Variants in GPR149 observed in about 807,000 individuals in gnomAD.
GPR149 encodes the protein probable G protein-coupled receptor 149.
A neutral mutation model predicts 50.2 loss-of-function variants in GPR149; 50 were observed. The observed-to-expected ratio is 1.00, with a 90% CI of 0.79 to 1.26. GPR149 has a LOEUF of 1.26. Among genes scored for constraint, GPR149 ranks in the 50% most tolerant of loss-of-function variants. The pLI, the probability that GPR149 is intolerant of heterozygous loss-of-function variation, is 0.00. For missense variants in GPR149, 983 were observed against 895.4 expected (o/e 1.10, Z -1.25); for synonymous variants, 405 against 358.2 (o/e 1.13, Z -1.48).
chr3:154,428,301 C>T (rs1712367454), intron 1 of GPR149, among the ~76,000 whole-genome samples: 1 of 152,208 alleles, frequency 6.6e-6, no homozygotes, highest in Non-Finnish European at 1.5e-5. Flanking sequence ...TTAATTCCCT[C>T]TTTCCTTTTC....
chr3:154,359,959 C>A (rs1379853987), intron 3 of GPR149, among the ~76,000 whole-genome samples: 1 of 152,130 alleles, frequency 6.6e-6, no homozygotes, highest in Non-Finnish European at 1.5e-5. Flanking sequence ...TGAAGAAAGA[C>A]AACAGTCACA....
chr3:154,358,503 A>T (rs1037423828), intron 3 of GPR149, among the ~76,000 whole-genome samples: 2 of 152,156 alleles, frequency 1.3e-5, no homozygotes, highest in Admixed American at 6.5e-5. Flanking sequence ...GAAATTACAG[A>T]TCCAAGATAC....
intron 3 of GPR149, among the ~76,000 whole-genome samples, chr3:154,377,438 C>G (rs1714819759): frequency 6.6e-6 from 1 of 151,032 alleles, no homozygotes; most frequent in South Asian, 2.1e-4. Context: ...GTGATCTTGG[C>G]TCACTGCAAC....
At chr3:154,361,625 C>A (rs113518360) in intron 3 of GPR149, among the ~76,000 whole-genome samples, 1 of 151,996 alleles carries the variant, frequency 6.6e-6, no homozygotes, top group Non-Finnish European at 1.5e-5. Context: ...AATTTTGGAC[C>A]AGTACGGGGT....
intron 3 of GPR149, among the ~76,000 whole-genome samples, chr3:154,376,688 T>C (rs1714798629): frequency 6.6e-6 from 1 of 152,204 alleles, no homozygotes; most frequent in Non-Finnish European, 1.5e-5. Flanking sequence ...CATTTCTGTT[T>C]TGGAGAGCTT....
chr3:154,428,251 G>A (rs1576934416), intron 1 of GPR149, among the ~76,000 whole-genome samples: 2 of 152,192 alleles, frequency 1.3e-5, no homozygotes, highest in African/African-American at 2.4e-5. Context: ...GAATGGAACG[G>A]CGAGAAAGGG....
chr3:154,389,503 C>T (rs1013095546), intron 3 of GPR149, among the ~76,000 whole-genome samples: 3 of 152,116 alleles, frequency 2.0e-5, no homozygotes, highest in Non-Finnish European at 2.9e-5. Flanking sequence ...TGGCTTCTGT[C>T]TCACTTGCCT....
intron 3 of GPR149, among the ~76,000 whole-genome samples, chr3:154,401,465 C>A (rs1043248034): frequency 5.3e-5 from 8 of 152,014 alleles, no homozygotes; most frequent in Admixed American, 2.0e-4. Context: ...ACAGAGAGTA[C>A]AGGAAGCAAG....
chr3:154,337,876 G>GGAGT lies in GPR149; in HGVS notation c.2015_2018dup (p.Phe675ProfsTer7). 2 of 1,613,636 alleles carry GGAGT rather than the reference G, an allele frequency of 1.2e-6. No homozygotes were observed. The highest frequency in any genetic ancestry group is 1.7e-6 in the Non-Finnish European group (2 of 1,179,820). On this transcript the variant is annotated frameshift_variant, in exon 4 of 4. Transcript: ENST00000389740. LOFTEE classifies it high-confidence loss of function. ...CAGGATTACTGGTGGGCAAAAAGAG[G>GGAGT]GAGTATGAGGCTGTTTCCCCTAGGT...
chr3:154,341,889 T>C (rs1343444178), intron 3 of GPR149, among the ~76,000 whole-genome samples: 2 of 152,156 alleles, frequency 1.3e-5, no homozygotes, highest in Admixed American at 6.5e-5. Context: ...GCCAAGAAAG[T>C]AGATATAGTA....
chr3:154,402,933 T>G (rs1271828686), intron 3 of GPR149, among the ~76,000 whole-genome samples: 1 of 143,238 alleles, frequency 7.0e-6, no homozygotes, highest in African/African-American at 2.5e-5. Context: ...CATTAAAGCA[T>G]TTTGTAATTT....
At position 154,353,604 on chromosome 3, in the gene GPR149, T is replaced by C. The variant is rs1714140132; in HGVS notation, c.1624-15333A>G. 7 of 1,268,320 alleles carry C rather than the reference T, an allele frequency of 5.5e-6. 1 individual carries two copies. Among genetic ancestry groups the C allele is most frequent in the South Asian group, 3.7e-5 (3 of 81,970 alleles). The allele number at this position is 1,268,320 out of a possible 1,614,324, so 78.6% of individuals were successfully genotyped here. On this transcript the variant is annotated intron_variant, in intron 3 of 3. Transcript: ENST00000389740. Reference sequence around the variant, plus strand: ...TTGGCTTTGATATGGTATTGCACCATAAAAACACACCATGCTGAGTTTCCT... The same window carrying C: ...TTGGCTTTGATATGGTATTGCACCACAAAAACACACCATGCTGAGTTTCCT...
chr3:154,393,998 T>C (rs1347700025), intron 3 of GPR149, among the ~76,000 whole-genome samples: 2 of 152,024 alleles, frequency 1.3e-5, no homozygotes, highest in African/African-American at 4.8e-5. Context: ...CAAAGCAATG[T>C]AGAGACTCAA....
intron 3 of GPR149, among the ~76,000 whole-genome samples, chr3:154,407,840 A>G (rs955421629): frequency 3.3e-5 from 5 of 152,104 alleles, no homozygotes; most frequent in Admixed American, 1.3e-4. Context: ...CAATTAAAGG[A>G]ACCAGAGCTC....
chr3:154,388,398 T>C (rs1224657018), intron 3 of GPR149, among the ~76,000 whole-genome samples: 7 of 152,108 alleles, frequency 4.6e-5, no homozygotes, highest in African/African-American at 1.7e-4. Context: ...TTCCTAAGTG[T>C]GTTAGGAGAA....
chr3:154,352,524 T>C (rs1424144449), intron 3 of GPR149: 1 of 774,436 alleles, frequency 1.3e-6, no homozygotes, highest in Non-Finnish European at 2.4e-6. Flanking sequence ...TAGCTTTCTA[T>C]TAAGTTCTTT....
At position 154,428,667 on chromosome 3, in the gene GPR149, G is replaced by C; in HGVS notation, c.949C>G (p.Leu317Val). 6.2e-7 allele frequency: 1 copy of C among 1,612,836 alleles called. No homozygotes were observed. Among genetic ancestry groups the C allele is most frequent in the Non-Finnish European group, 8.5e-7 (1 of 1,179,682 alleles). The change falls in exon 1 of 4, where the codon CTT (leucine) becomes GTT (valine). Residue 317 changes from leucine (L) to valine (V), a missense_variant. By Grantham distance (32) the Leu-to-Val change is conservative. Coordinates refer to ENST00000389740, the MANE Select transcript of GPR149 (RefSeq NM_001038705.3). ...GGCAGCCAAAGGACGACTTTTGTAA[G>C]CGCTAGGATCAAAGCGAAGCGCTTC... ...AQKRFALILA[L>V]TKVVLWLPMM...
intron 3 of GPR149, among the ~76,000 whole-genome samples, chr3:154,411,317 A>T (rs1315708193): frequency 6.6e-6 from 1 of 152,192 alleles, no homozygotes; most frequent in Non-Finnish European, 1.5e-5. Flanking sequence ...ACCCAATCCC[A>T]GCAGAAGGAA....
intron 3 of GPR149, among the ~76,000 whole-genome samples, chr3:154,377,045 TAA>T (rs34219325): frequency 1.1e-3 from 136 of 128,412 alleles, no homozygotes; most frequent in African/African-American, 1.4e-3. Flanking sequence ...AGCCCTGAAT[TAA>T]AAAAAAAAAA....
Sources: allele counts gnomAD v4.1 joint callset (sites outside exome capture counted in the v4.1 genomes callset), GRCh38; gene constraint gnomAD v4.1.1; transcripts MANE v1.5; gene names NCBI Gene and HGNC (gene_info 2026-07-23, HGNC 2026-07-21).